The following TRPM3 variants were observed in gnomAD, a reference collection of about 807,000 sequenced individuals.
The protein encoded by TRPM3 is long transient receptor potential channel 3.
Under a neutral mutation model 181.2 loss-of-function variants are expected in TRPM3, and 77 were observed. The observed-to-expected ratio is 0.42, with a 90% CI of 0.35 to 0.51. TRPM3 has a LOEUF of 0.51. Among genes scored for constraint, TRPM3 ranks in the 20% least tolerant of loss-of-function variants. TRPM3 has a pLI of 0.01. For missense variants in TRPM3, 1,759 were observed against 2,196.7 expected (o/e 0.80, Z 3.98); for synonymous variants, 745 against 796.4 (o/e 0.94, Z 1.09).
rs868099658 is a variant in TRPM3, at chr9:71,214,033, T to C, written c.183+232620A>G. ...GCCTCCATGTATCAAAGCAAAGTCA[T>C]TTTAGTTGAGGTATGAGATGCTTTC... is the stretch of plus-strand genomic sequence containing the variant. On this transcript the variant is annotated intron_variant, in intron 1 of 24. Transcript: ENST00000357533. Among the ~76,000 whole-genome samples, 27 of 152,280 alleles carry C rather than the reference T, an allele frequency of 1.8e-4. No individual in the cohort carries two copies. In the Middle Eastern group the frequency reaches 0.02, roughly 115 times the overall value.
chr9:70,863,220 C>A (rs1243908671), intron 2 of TRPM3, 108 bp from the exon 3 acceptor site: 2 of 875,978 alleles, frequency 2.3e-6, no homozygotes, highest in Non-Finnish European at 3.5e-6. Flanking sequence ...ACCTGTCAGT[C>A]AATTCTCAGG....
Position 70,536,288 on chromosome 9 carries a change from T to C in TRPM3, c.4825A>G (p.Ser1609Gly), listed in dbSNP as rs749434194. Reference protein sequence around the residue: ...EAELSHPSSDSEENEAKGRRA... With the variant: ...EAELSHPSSDGEENEAKGRRA... ...CGGCCTTTGGCCTCATTCTCCTCAC[T>C]GTCAGAGCTGGGGTGACTCAGTTCT... The change falls in exon 26 of 26, where the codon AGT (serine) becomes GGT (glycine). Residue 1609 changes from serine (S) to glycine (G), a missense_variant. Coordinates refer to ENST00000677713, the MANE Select transcript of TRPM3 (RefSeq NM_001366145.2). The C allele has an allele frequency of 6.2e-7, 1 of 1,614,206 alleles. No individual in the cohort carries two copies. The highest frequency in any genetic ancestry group is 8.5e-7 in the Non-Finnish European group (1 of 1,180,030).
chr9:70,553,403 A>G, intron 22 of TRPM3, 93 bp from the exon 23 acceptor site: 1 of 1,454,650 alleles, frequency 6.9e-7, no homozygotes, highest in South Asian at 1.3e-5. Flanking sequence ...TTTTAGATGG[A>G]AGAAATATAT....
chr9:70,776,333 T>C (rs766468588), intron 7 of TRPM3: 12 of 635,996 alleles, frequency 1.9e-5, no homozygotes, highest in Non-Finnish European at 3.4e-5. Context: ...GGTAGGACAC[T>C]GCAGATGCTG....
chr9:71,196,160 C>A (rs11790080), intron 1 of TRPM3, among the ~76,000 whole-genome samples: 1 of 115,974 alleles, frequency 8.6e-6, no homozygotes, highest in Non-Finnish European at 1.8e-5. Context: ...TATATACACA[C>A]ACGTATATGT....
chr9:70,672,822 A>G (rs2063237513), intron 9 of TRPM3, among the ~76,000 whole-genome samples: 1 of 152,082 alleles, frequency 6.6e-6, no homozygotes, highest in African/African-American at 2.4e-5. Context: ...CTGTTCCACC[A>G]TCTTGCTGAT....
Position 70,694,520 on chromosome 9 carries a change from A to G in TRPM3, c.1273-12942T>C, listed in dbSNP as rs1160070446. On this transcript the variant is annotated intron_variant, in intron 8 of 25. Transcript: ENST00000677713. ...TTTTGAGACGGAGTCTTGCTCTTTCACCCAGGCTGGAGCACAGTGGCGCGA... is the reference window on the plus strand; with the variant it reads ...TTTTGAGACGGAGTCTTGCTCTTTCGCCCAGGCTGGAGCACAGTGGCGCGA... Among the ~76,000 whole-genome samples the G allele has an allele frequency of 3.9e-5, 6 of 152,078 alleles. No individual in the cohort carries two copies. In the South Asian group the frequency reaches 1.0e-3, roughly 26 times the overall value.
At chr9:71,307,513 C>T (rs190542041) in intron 1 of TRPM3, among the ~76,000 whole-genome samples, 2 of 152,074 alleles carry the variant, frequency 1.3e-5, no homozygotes, top group Admixed American at 1.3e-4. Context: ...AATTTGTACC[C>T]CAAACTGCTA....
In TRPM3 at chr9:71,331,691, AAGGAGAAAAAGG is replaced by A. The variant is rs1190150128; in HGVS notation, c.183+114950_183+114961del. Among the ~76,000 whole-genome samples the A allele has an allele frequency of 5.5e-3, 565 of 102,856 alleles. 7 individuals carry two copies. Among genetic ancestry groups the A allele is most frequent in the Middle Eastern group, 0.014 (2 of 146 alleles). The allele number at this position is 102,856 out of a possible 152,430, so 67.5% of individuals were successfully genotyped here. On this transcript the variant is annotated intron_variant, in intron 1 of 24. Transcript: ENST00000357533. ...GGAGGAGGAGGAGGAGGGAGAGGAG[AAGGAGAAAAAGG>A]AGGAGAAAAAGGAGGAGGAAAAGGA...
intron 9 of TRPM3, among the ~76,000 whole-genome samples, chr9:70,670,572 G>A (rs1384736982): frequency 6.6e-6 from 1 of 152,094 alleles, no homozygotes; most frequent in African/African-American, 2.4e-5. Flanking sequence ...TCAGTGGTCT[G>A]TTCTGGATTC....
Position 71,285,334 on chromosome 9 carries a change from G to A in TRPM3, c.183+161319C>T, listed in dbSNP as rs551716364. Among the ~76,000 whole-genome samples the A allele has an allele frequency of 4.6e-5, 7 of 152,268 alleles. No individual in the cohort carries two copies. In the South Asian group the frequency reaches 1.2e-3, roughly 27 times the overall value. On this transcript the variant is annotated intron_variant, in intron 1 of 24. Transcript: ENST00000357533. ...CATTCTCACTAGCATCCACTAGAGG[G>A]TCGTAGCTGCACTATGTAAAGAGAT... is the stretch of plus-strand genomic sequence containing the variant.
chr9:71,248,939 C>G (rs2082188337), intron 1 of TRPM3, among the ~76,000 whole-genome samples: 1 of 152,078 alleles, frequency 6.6e-6, no homozygotes, highest in Non-Finnish European at 1.5e-5. Flanking sequence ...AAGAGGAAAA[C>G]AGTTTTATTT....
chr9:71,432,033 G>T (rs909726175), intron 1 of TRPM3, among the ~76,000 whole-genome samples: 1 of 152,140 alleles, frequency 6.6e-6, no homozygotes, highest in East Asian at 1.9e-4. Context: ...CAAAGGACCC[G>T]ATTATACTCT....
At chr9:71,289,712 A>G (rs940946475) in intron 1 of TRPM3, among the ~76,000 whole-genome samples, 2 of 151,902 alleles carry the variant, frequency 1.3e-5, no homozygotes, top group African/African-American at 4.8e-5. Flanking sequence ...TACTAAAAAT[A>G]CAAAAATTAG....
At chr9:70,838,108 G>A (rs1589074653) in intron 5 of TRPM3, among the ~76,000 whole-genome samples, 1 of 152,200 alleles carries the variant, frequency 6.6e-6, no homozygotes, top group Admixed American at 6.5e-5. Flanking sequence ...TTATAGAGAT[G>A]AAGAAACCAA....
At chr9:70,827,024 C>A (rs1486314789) in intron 6 of TRPM3, 2 of 152,200 alleles carry the variant, frequency 1.3e-5, no homozygotes, top group Non-Finnish European at 2.9e-5. Flanking sequence ...ACAATAAATA[C>A]AGCAAATAGA....
intron 1 of TRPM3, among the ~76,000 whole-genome samples, chr9:71,249,378 A>G (rs1044781092): frequency 6.6e-6 from 1 of 152,218 alleles, no homozygotes; most frequent in African/African-American, 2.4e-5. Flanking sequence ...TATTTTTTAA[A>G]AATCAGAGGA....
In TRPM3 at chr9:70,605,968, G is replaced by A. The variant is rs1002265873; in HGVS notation, c.2668-2498C>T. Among the ~76,000 whole-genome samples the A allele has an allele frequency of 2.0e-5, 3 of 152,250 alleles. No homozygotes were observed. The East Asian group carries it at 5.8e-4, about 29-fold the overall frequency. The stretch of plus-strand genomic sequence containing the variant: ...AGTAACTCCTTAAACCTATTTTAAT[G>A]CTTAAGTAACTCCTTGAACCTACAT... On this transcript the variant is annotated intron_variant, in intron 19 of 25. Transcript: ENST00000677713.
rs147062928 is a variant in TRPM3 at position 71,131,846 on chromosome 9, C to T, written c.184-267335G>A. Among the ~76,000 whole-genome samples, 1,472 of 152,264 alleles carry T rather than the reference C, an allele frequency of 9.7e-3. 9 individuals carry two copies. The highest frequency in any genetic ancestry group is 0.031 in the Middle Eastern group (9 of 294). ...AGCAAAAGAGGAAAAGGAGTAAGTA[C>T]AGGTATCAAAAATTCAATCTGAAAA... On this transcript the variant is annotated intron_variant, in intron 1 of 24. Coordinates refer to the TRPM3 transcript ENST00000357533.
Sources: allele counts gnomAD v4.1 joint callset (sites outside exome capture counted in the v4.1 genomes callset), GRCh38; gene constraint gnomAD v4.1.1; transcripts MANE v1.5; gene names NCBI Gene and HGNC (gene_info 2026-07-23, HGNC 2026-07-21).